The following PIK3R5 variants were observed in gnomAD, a reference collection of about 807,000 sequenced individuals.
The protein encoded by PIK3R5 is phosphoinositide 3-kinase regulatory subunit 5.
Under a neutral mutation model 94.9 loss-of-function variants are expected in PIK3R5, and 32 were observed. That is an observed-to-expected ratio of 0.34 (90% CI 0.25 to 0.45). The LOEUF (loss-of-function observed/expected upper bound fraction) is 0.45, where lower values mean the gene tolerates loss of function less well. PIK3R5 is among the 20% of genes least tolerant of loss of function. The pLI is 1.00. For synonymous variants in PIK3R5, 443 were observed against 479.4 expected, an observed-to-expected ratio of 0.92 and a Z score of 0.99; for missense variants, 853 against 1,144.6, an observed-to-expected ratio of 0.75 and a Z score of 3.68.
intron 1 of PIK3R5, among the ~76,000 whole-genome samples, chr17:8,947,111 C>T (rs991253222): frequency 2.0e-5 from 3 of 152,016 alleles, no homozygotes; most frequent in Non-Finnish European, 2.9e-5. Context: ...TCACACACCC[C>T]GCCTGACTGA....
chr17:8,951,557 T>A (rs761553651), intron 1 of PIK3R5, among the ~76,000 whole-genome samples: 54 of 152,258 alleles, frequency 3.5e-4, no homozygotes, highest in African/African-American at 1.3e-3. Context: ...GGTTCATGCA[T>A]ATCGTAGCAT....
intron 1 of PIK3R5, among the ~76,000 whole-genome samples, chr17:8,924,410 A>G (rs1216457964): frequency 1.3e-5 from 2 of 152,040 alleles, no homozygotes; most frequent in South Asian, 4.2e-4. Context: ...AGGTAGAATC[A>G]TTTCTAGTTT....
At chr17:8,922,939 T>A (rs2090784906) in intron 1 of PIK3R5, among the ~76,000 whole-genome samples, 1 of 152,016 alleles carries the variant, frequency 6.6e-6, no homozygotes, top group Non-Finnish European at 1.5e-5. Context: ...GACTGCCCAC[T>A]TCCCCCCATC....
chr17:8,900,149 T>C (rs1347832692), intron 5 of PIK3R5, among the ~76,000 whole-genome samples: 2 of 152,204 alleles, frequency 1.3e-5, no homozygotes, highest in Non-Finnish European at 2.9e-5. Context: ...TTCTTTAAAA[T>C]TGAAGGTTAA....
chr17:8,946,122 G>A (rs1226517945), intron 1 of PIK3R5, among the ~76,000 whole-genome samples: 7 of 151,884 alleles, frequency 4.6e-5, no homozygotes, highest in Admixed American at 1.3e-4. Context: ...TAATAAAACC[G>A]TTGCAATCTT....
At chr17:8,941,190 G>A (rs895118506) in intron 1 of PIK3R5, among the ~76,000 whole-genome samples, 57 of 152,274 alleles carry the variant, frequency 3.7e-4, no homozygotes, top group African/African-American at 1.2e-3. Flanking sequence ...GGGGTGTAGC[G>A]GGATAGATAT....
chr17:8,886,628 G>C lies in PIK3R5; in HGVS notation c.1906-23C>G, dbSNP rs1219964236. The C allele has an allele frequency of 2.6e-6, 4 of 1,556,564 alleles. No homozygotes were observed. In the African/African-American group the frequency reaches 5.5e-5, roughly 21 times the overall value. On this transcript the variant is annotated intron_variant, in intron 12 of 18. Coordinates refer to ENST00000447110, the MANE Select transcript of PIK3R5 (RefSeq NM_001142633.3). ...CTGCTGTGGCCAGAGGGAAGGGGCAGCCAAGCCAGATGGGTGGGTGGATAG... is the reference window on the plus strand; with the variant it reads ...CTGCTGTGGCCAGAGGGAAGGGGCACCCAAGCCAGATGGGTGGGTGGATAG...
Position 8,911,472 on chromosome 17 carries a change from C to T in PIK3R5, c.23G>A (p.Cys8Tyr). 1.3e-6 allele frequency: 2 copies of T among 1,599,804 alleles called. No homozygotes were observed. The highest frequency in any genetic ancestry group is 8.5e-7 in the Non-Finnish European group (1 of 1,179,842). MQPGATTCTEDRIQHALE... is the reference protein window; with the variant it reads MQPGATTYTEDRIQHALE... Reference sequence around the variant, plus strand: ...GGCATGCTGGATGCGGTCCTCCGTGCATGTCGTGGCCCCTGGCTGCATCCT... The same window carrying T: ...GGCATGCTGGATGCGGTCCTCCGTGTATGTCGTGGCCCCTGGCTGCATCCT... The change falls in exon 2 of 19, where the codon TGC (cysteine) becomes TAC (tyrosine). Residue 8 changes from cysteine (C) to tyrosine (Y), a missense_variant. By Grantham distance (194) the Cys-to-Tyr change is radical. This residue lies in a region of PIK3R5 where 108 missense variants were observed against 170.1 expected (regional missense o/e 0.63). Transcript: ENST00000447110. The surrounding 1 kb of genome is among the most constrained non-coding windows in gnomAD (Gnocchi z 5.3).
chr17:8,886,989 G>A, intron 12 of PIK3R5, 107 bp downstream of exon 12: 2 of 1,313,640 alleles, frequency 1.5e-6, no homozygotes, highest in Non-Finnish European at 1.1e-6. Flanking sequence ...GAGGGCCCAG[G>A]TCCTCCATGG....
At chr17:8,906,784 G>A (rs898291740) in intron 3 of PIK3R5, among the ~76,000 whole-genome samples, 1 of 152,058 alleles carries the variant, frequency 6.6e-6, no homozygotes, top group African/African-American at 2.4e-5. Flanking sequence ...TCGGGAGGCT[G>A]AGACTCTGTC....
intron 1 of PIK3R5, among the ~76,000 whole-genome samples, chr17:8,930,678 A>G (rs911032716): frequency 1.3e-5 from 2 of 152,262 alleles, no homozygotes; most frequent in Non-Finnish European, 2.9e-5. Context: ...ACTATGGAAT[A>G]TTATTCAGCA....
At position 8,892,398 on chromosome 17, in the gene PIK3R5, T is replaced by C. The variant is rs1409981777; in HGVS notation, c.482+1188A>G. 6.6e-6 allele frequency among the ~76,000 whole-genome samples: 1 copy of C among 152,038 alleles called. No homozygotes were observed. Among genetic ancestry groups the C allele is most frequent in the Non-Finnish European group, 1.5e-5 (1 of 68,020 alleles). On this transcript the variant is annotated intron_variant, in intron 6 of 18. Coordinates refer to ENST00000447110, the MANE Select transcript of PIK3R5 (RefSeq NM_001142633.3). The surrounding 1 kb of genome is among the most constrained non-coding windows in gnomAD (Gnocchi z 4.3). ...TCTCTCCCGAAGAATTTATCATCATTCTCAATTTACAGATAATGAAAGTGA... is the reference window on the plus strand; with the variant it reads ...TCTCTCCCGAAGAATTTATCATCATCCTCAATTTACAGATAATGAAAGTGA...
intron 1 of PIK3R5, among the ~76,000 whole-genome samples, chr17:8,924,544 C>A (rs1260936771): frequency 6.6e-6 from 1 of 152,184 alleles, no homozygotes. Context: ...AATCCATTAT[C>A]TTTTCCCTTG....
chr17:8,910,585 G>A (rs79175361), intron 2 of PIK3R5, among the ~76,000 whole-genome samples: 7 of 152,280 alleles, frequency 4.6e-5, no homozygotes, highest in African/African-American at 1.7e-4. Context: ...AGTGGCCTGC[G>A]CAGGGTTGTA....
In PIK3R5 at chr17:8,887,221, C is replaced by T. The variant is rs978122605; in HGVS notation, c.1780G>A (p.Glu594Lys). Residue 594 changes from glutamate to lysine, a missense_variant and splice_region_variant, in exon 12 of 19, where the codon GAG becomes AAG. Around this residue, in one of 6 missense-constraint regions of PIK3R5, gnomAD observed 173 missense variants for 274.1 expected, o/e 0.63. Transcript: ENST00000447110. The part of the protein sequence containing the change: ...TDSPRHASPG[E>K]LGTTPWEEST... Reference sequence around the variant, plus strand: ...TCCTCCCATGGGGTGGTGCCCAGCTCCTAGGGCAAAGAACAAGAGTCATCA... The same window carrying T: ...TCCTCCCATGGGGTGGTGCCCAGCTTCTAGGGCAAAGAACAAGAGTCATCA... The T allele has an allele frequency of 1.2e-6, 2 of 1,613,806 alleles. No individual in the cohort carries two copies. Among genetic ancestry groups the T allele is most frequent in the Non-Finnish European group, 8.5e-7 (1 of 1,179,940 alleles).
At chr17:8,950,389 T>C (rs947474309) in intron 1 of PIK3R5, among the ~76,000 whole-genome samples, 3 of 152,236 alleles carry the variant, frequency 2.0e-5, no homozygotes, top group African/African-American at 7.2e-5. Context: ...TATATGGGTA[T>C]ATTGCATCCA....
rs1240559407 is a variant in PIK3R5, at chr17:8,884,249, CTCA to C, written c.2205+455_2205+457del. 6.6e-5 allele frequency among the ~76,000 whole-genome samples: 10 copies of C among 152,246 alleles called. No homozygotes were observed. Among genetic ancestry groups the C allele is most frequent in the African/African-American group, 2.4e-4 (10 of 41,532 alleles). On this transcript the variant is annotated intron_variant, in intron 15 of 18. Coordinates refer to ENST00000447110, the MANE Select transcript of PIK3R5 (RefSeq NM_001142633.3). This position sits in a 1 kb window ranked among gnomAD's most constrained non-coding sequence, Gnocchi z 5.8. The stretch of plus-strand genomic sequence containing the variant: ...CTTGGGATGCGACCTGCTCAGAGAA[CTCA>C]TGTCTTCTGGCATGTCATGGACAGC...
intron 1 of PIK3R5, among the ~76,000 whole-genome samples, chr17:8,932,745 C>T (rs2091008942): frequency 6.6e-6 from 1 of 151,974 alleles, no homozygotes; most frequent in Non-Finnish European, 1.5e-5. Context: ...GACTTCTGAG[C>T]ACAACCAAAA....
intron 1 of PIK3R5, among the ~76,000 whole-genome samples, chr17:8,950,741 A>G (rs905146960): frequency 5.9e-5 from 9 of 152,146 alleles, no homozygotes; most frequent in African/African-American, 2.2e-4. Context: ...TATTGTGAAT[A>G]GTGGGGTGAT....
Sources: gnomAD v4.1 joint callset for allele counts (sites outside exome capture counted in the v4.1 genomes callset) on GRCh38, gnomAD v4.1.1 for gene constraint, gnomAD v4.1.1 regional missense constraint, Gnocchi (gnomAD v3.1) non-coding constraint, MANE v1.5 for transcripts, NCBI Gene and HGNC (gene_info 2026-07-23, HGNC 2026-07-21) for gene names.